The following EEFSEC variants were observed in gnomAD, a reference collection of about 807,000 sequenced individuals.
EEFSEC encodes eukaryotic elongation factor, selenocysteine-tRNA specific.
Under a neutral mutation model 42.1 loss-of-function variants are expected in EEFSEC, and 43 were observed. The observed-to-expected ratio is 1.02, with a 90% confidence interval of 0.80 to 1.32. The LOEUF (loss-of-function observed/expected upper bound fraction) is 1.32, where lower values mean the gene tolerates loss of function less well. Among genes scored for constraint, EEFSEC ranks in the 40% most tolerant of loss-of-function variants. The probability of loss-of-function intolerance (pLI) is 0.00; values close to 1 mark genes in which losing one functional copy is unlikely to be tolerated. For synonymous variants in EEFSEC, 354 were observed against 339.1 expected (o/e 1.04, Z -0.48); for missense variants, 745 against 803.6 (o/e 0.93, Z 0.88).
chr3:128,211,848 CTTTTTTTTT>C (rs34885945), intron 1 of EEFSEC, among the ~76,000 whole-genome samples: 10 of 51,702 alleles, frequency 1.9e-4, no homozygotes, highest in South Asian at 1.1e-3. Context: ...TTTTTCTTTT[CTTTTTTTTT>C]TTTTTTTTTT....
intron 4 of EEFSEC, among the ~76,000 whole-genome samples, chr3:128,318,632 TC>T: frequency 6.6e-6 from 1 of 152,218 alleles, no homozygotes. Context: ...CGGACTGCTG[TC>T]CCTGGTGGCC....
At chr3:128,255,016 T>C (rs909119575) in intron 2 of EEFSEC, among the ~76,000 whole-genome samples, 1 of 152,124 alleles carries the variant, frequency 6.6e-6, no homozygotes, top group Non-Finnish European at 1.5e-5. Context: ...AGAGGACTAA[T>C]TCAGAGGCCA....
chr3:128,408,481 G>A lies in EEFSEC; in HGVS notation c.*222G>A, dbSNP rs1276750787. 1 of 430,818 alleles carries A rather than the reference G, an allele frequency of 2.3e-6. No individual in the cohort carries two copies. Among genetic ancestry groups the A allele is most frequent in the Non-Finnish European group, 4.0e-6 (1 of 248,026 alleles). The allele number at this position is 430,818 out of a possible 1,614,324, so 26.7% of individuals were successfully genotyped here. A position where few individuals can be genotyped will look rare whatever the true frequency, so the allele number is the denominator to read the frequency against. ...TCCAGCCCCTGCACACTCCCACCCA[G>A]GACAGCCCCCAGCCCAACTAGGAAA... On this transcript the variant is annotated 3_prime_UTR_variant, in exon 7 of 7. Transcript: ENST00000254730.
intron 4 of EEFSEC, among the ~76,000 whole-genome samples, chr3:128,337,699 A>G (rs1576649605): frequency 1.3e-5 from 2 of 152,228 alleles, no homozygotes; most frequent in Non-Finnish European, 2.9e-5. Context: ...GGCACTGAGG[A>G]CGCAGCATAG....
At chr3:128,355,228 G>A (rs1295989681) in intron 5 of EEFSEC, among the ~76,000 whole-genome samples, 1 of 152,170 alleles carries the variant, frequency 6.6e-6, no homozygotes, top group Non-Finnish European at 1.5e-5. Context: ...AGACAGATAG[G>A]TCAGCTGTCA....
chr3:128,225,257 G>A (rs2065897146), intron 1 of EEFSEC, among the ~76,000 whole-genome samples: 1 of 152,206 alleles, frequency 6.6e-6, no homozygotes, highest in East Asian at 1.9e-4. Flanking sequence ...TGGAAGACAG[G>A]GCTGGATGCC....
chr3:128,184,608 C>T (rs1211629271), intron 1 of EEFSEC, among the ~76,000 whole-genome samples: 1 of 152,142 alleles, frequency 6.6e-6, no homozygotes, highest in Non-Finnish European at 1.5e-5. Flanking sequence ...TTATAGCCAT[C>T]TCTGTAGTTC....
At chr3:128,202,049 G>A (rs9855651) in intron 1 of EEFSEC, among the ~76,000 whole-genome samples, 6,670 of 149,522 alleles carry the variant, frequency 0.045, 488 homozygotes, top group African/African-American at 0.16. Context: ...TGATTTGTTT[G>A]TCTGTCTTCA....
At chr3:128,362,984 A>G (rs1265868089) in intron 6 of EEFSEC, among the ~76,000 whole-genome samples, 1 of 152,198 alleles carries the variant, frequency 6.6e-6, no homozygotes, top group African/African-American at 2.4e-5. Flanking sequence ...GAGAAAAAGA[A>G]AAAAAATTTG....
intron 1 of EEFSEC, among the ~76,000 whole-genome samples, chr3:128,190,465 A>C (rs1274334504): frequency 6.6e-6 from 1 of 152,252 alleles, no homozygotes; most frequent in Non-Finnish European, 1.5e-5. Context: ...GATATAAAGA[A>C]AGAAAATATT....
the EEFSEC span, among the ~76,000 whole-genome samples, chr3:128,421,689 C>T: frequency 4.6e-5 from 7 of 152,220 alleles, no homozygotes; most frequent in South Asian, 1.2e-3. Flanking sequence ...GGTGGGGGGG[C>T]GCATTCCTCC....
At chr3:128,327,519 C>A (rs149835294) in intron 4 of EEFSEC, among the ~76,000 whole-genome samples, 1 of 152,204 alleles carries the variant, frequency 6.6e-6, no homozygotes, top group East Asian at 1.9e-4. Context: ...ATCCCAAGGC[C>A]AGCACATGGC....
intron 1 of EEFSEC, among the ~76,000 whole-genome samples, chr3:128,177,356 T>C (rs1437120383): frequency 6.6e-6 from 1 of 152,124 alleles, no homozygotes; most frequent in Non-Finnish European, 1.5e-5. Context: ...TAAAGACTTG[T>C]TGGGGGTGTC....
chr3:128,320,740 G>C (rs988631086), intron 4 of EEFSEC, among the ~76,000 whole-genome samples: 8 of 152,338 alleles, frequency 5.3e-5, no homozygotes, highest in African/African-American at 1.9e-4. Flanking sequence ...GGTCCCTGTA[G>C]GACAAACAAG....
At chr3:128,364,394 G>A (rs2067563654) in intron 6 of EEFSEC, among the ~76,000 whole-genome samples, 1 of 152,158 alleles carries the variant, frequency 6.6e-6, no homozygotes, top group African/African-American at 2.4e-5. Context: ...TGGAGGAGTA[G>A]CCTTCTGAGC....
the EEFSEC span, among the ~76,000 whole-genome samples, chr3:128,425,606 G>A: frequency 5.9e-4 from 90 of 152,358 alleles, no homozygotes; most frequent in African/African-American, 1.9e-3. Context: ...GCCTGACTGG[G>A]CATTTTACCT....
chr3:128,335,614 CA>C (rs1007750700), intron 4 of EEFSEC, among the ~76,000 whole-genome samples: 1 of 152,216 alleles, frequency 6.6e-6, no homozygotes, highest in African/African-American at 2.4e-5. Context: ...TCAGCTTTTA[CA>C]GAGTGAGATG....
At chr3:128,267,757 G>C (rs1312436074) in intron 4 of EEFSEC, among the ~76,000 whole-genome samples, 1 of 152,240 alleles carries the variant, frequency 6.6e-6, no homozygotes, top group Non-Finnish European at 1.5e-5. Flanking sequence ...GAGGAGGTGT[G>C]TGACTCACAG....
At chr3:128,361,888 T>C (rs566331751) in intron 6 of EEFSEC, among the ~76,000 whole-genome samples, 2 of 151,808 alleles carry the variant, frequency 1.3e-5, no homozygotes, top group South Asian at 4.2e-4. Flanking sequence ...ATGGAGGAGG[T>C]TCCTGTCCAA....
Sources: allele counts gnomAD v4.1 joint callset (sites outside exome capture counted in the v4.1 genomes callset), GRCh38; gene constraint gnomAD v4.1.1; transcripts MANE v1.5; gene names NCBI Gene and HGNC (gene_info 2026-07-23, HGNC 2026-07-21).